The following PDCD10 variants were observed in gnomAD, a reference collection of about 807,000 sequenced individuals.
PDCD10 encodes programmed cell death protein 10.
In PDCD10, 4 loss-of-function variants were observed where a neutral mutation model predicts 29.2. That is an observed-to-expected ratio of 0.14 (90% CI 0.07 to 0.31). The LOEUF (loss-of-function observed/expected upper bound fraction) is 0.31. Among genes scored for constraint, PDCD10 ranks in the 10% least tolerant of loss-of-function variants. The pLI, the probability that PDCD10 is intolerant of heterozygous loss-of-function variation, is 1.00. For missense variants in PDCD10, 183 were observed against 257.9 expected (o/e 0.71, Z 1.99); for synonymous variants, 70 against 82.2 (o/e 0.85, Z 0.80).
intron 2 of PDCD10, among the ~76,000 whole-genome samples, chr3:167,729,863 G>A (rs544694537): frequency 9.1e-4 from 139 of 152,254 alleles, no homozygotes; most frequent in Non-Finnish European, 1.1e-3. Context: ...ATGTTCCACT[G>A]CTGTTACCCA....
intron 6 of PDCD10, among the ~76,000 whole-genome samples, chr3:167,690,936 T>A (rs1287761085): frequency 1.3e-5 from 2 of 152,236 alleles, no homozygotes; most frequent in African/African-American, 4.8e-5. Context: ...CAAAATTGCC[T>A]GAATATTTAT....
intron 2 of PDCD10, among the ~76,000 whole-genome samples, chr3:167,729,140 T>G (rs1012655021): frequency 6.6e-6 from 1 of 152,186 alleles, no homozygotes; most frequent in Non-Finnish European, 1.5e-5. Flanking sequence ...CTTGCCACAC[T>G]GATTGTGACT....
intron 3 of PDCD10, among the ~76,000 whole-genome samples, chr3:167,719,347 A>T (rs1240087685): frequency 1.3e-5 from 2 of 152,164 alleles, no homozygotes; most frequent in Non-Finnish European, 2.9e-5. Context: ...ATTTTAGGAA[A>T]ATAATTTCAC....
At chr3:167,724,770 C>T (rs1249732138) in intron 2 of PDCD10, among the ~76,000 whole-genome samples, 2 of 152,298 alleles carry the variant, frequency 1.3e-5, no homozygotes, top group South Asian at 2.1e-4. Context: ...AATAAGACTT[C>T]ATTATTGTTA....
rs1006376878 is a variant in PDCD10, at chr3:167,703,618, G to C, written c.150+1224C>G. The stretch of plus-strand genomic sequence containing the variant: ...TAAAACACAGGTTATTTGAGCTACT[G>C]ATGGGAAGGAATGCAAAAATAAAAA... On this transcript the variant is annotated intron_variant, in intron 4 of 8. Coordinates refer to ENST00000392750, the MANE Select transcript of PDCD10 (RefSeq NM_007217.4). 7.9e-5 allele frequency among the ~76,000 whole-genome samples: 12 copies of C among 152,208 alleles called. No homozygotes were observed. In the Middle Eastern group the frequency reaches 0.01, roughly 129 times the overall value.
chr3:167,731,552 T>C (rs1248402996), intron 2 of PDCD10, among the ~76,000 whole-genome samples: 1 of 152,226 alleles, frequency 6.6e-6, no homozygotes, highest in Non-Finnish European at 1.5e-5. Flanking sequence ...CATTTCTCTA[T>C]TTCTGTCCCC....
At chr3:167,688,972 A>G (rs1347517141) in intron 6 of PDCD10, among the ~76,000 whole-genome samples, 1 of 152,204 alleles carries the variant, frequency 6.6e-6, no homozygotes, top group African/African-American at 2.4e-5. Flanking sequence ...ATATTTTTTA[A>G]AAAAGTATTT....
At chr3:167,712,273 G>A (rs538194863) in intron 3 of PDCD10, among the ~76,000 whole-genome samples, 109 of 152,096 alleles carry the variant, frequency 7.2e-4, no homozygotes, top group African/African-American at 2.6e-3. Context: ...ATGAAGTATA[G>A]AGATTTTATT....
chr3:167,690,150 G>C (rs1162224507), intron 6 of PDCD10, among the ~76,000 whole-genome samples: 3 of 152,210 alleles, frequency 2.0e-5, no homozygotes, highest in African/African-American at 7.2e-5. Context: ...TGAGTAGAAG[G>C]AGAAGGAACT....
chr3:167,732,285 T>C (rs1273797413), intron 2 of PDCD10, among the ~76,000 whole-genome samples: 11 of 152,166 alleles, frequency 7.2e-5, no homozygotes, highest in African/African-American at 2.4e-4. Context: ...CAGACTACAA[T>C]AATAAACAGC....
intron 7 of PDCD10, 68 bp downstream of exon 7, chr3:167,687,547 G>T: frequency 1.1e-6 from 1 of 909,320 alleles, no homozygotes; most frequent in Non-Finnish European, 1.8e-6. Context: ...TTATTTTTAA[G>T]TCAATAAAAC....
chr3:167,684,483 A>AC, intron 8 of PDCD10, 94 bp from the exon 9 acceptor site: 2 of 711,356 alleles, frequency 2.8e-6, no homozygotes, highest in Non-Finnish European at 5.0e-6. Flanking sequence ...AATCAATTTT[A>AC]GAAAAAAAAA....
At position 167,683,307 on chromosome 3, in the gene PDCD10, T is replaced by C. The variant is rs1371777494; in HGVS notation, c.*1001A>G. 1 of 152,084 alleles carries C rather than the reference T, an allele frequency of 6.6e-6. No individual in the cohort carries two copies. Among genetic ancestry groups the C allele is most frequent in the Admixed American group, 6.5e-5 (1 of 15,284 alleles). 9.4% of individuals were successfully genotyped at this position (152,084 alleles called of 1,614,324 possible). On this transcript the variant is annotated 3_prime_UTR_variant, in exon 9 of 9. Transcript: ENST00000392750. ...ATAAAAGATAAGCAAATTCTGATTT[T>C]TTCCCTTTATTTTATAATTGAAAAA...
At chr3:167,720,596 G>C (rs1400140463) in intron 2 of PDCD10, among the ~76,000 whole-genome samples, 1 of 151,656 alleles carries the variant, frequency 6.6e-6, no homozygotes, top group African/African-American at 2.4e-5. Context: ...CAATCTAAGA[G>C]AACATATGAA....
intron 4 of PDCD10, among the ~76,000 whole-genome samples, chr3:167,700,152 A>G (rs1171004239): frequency 1.3e-5 from 2 of 152,188 alleles, no homozygotes; most frequent in Non-Finnish European, 1.5e-5. Context: ...TGTATATGTA[A>G]TAAGTTTGAA....
At chr3:167,710,407 T>A (rs2108454177) in intron 3 of PDCD10, among the ~76,000 whole-genome samples, 1 of 152,066 alleles carries the variant, frequency 6.6e-6, no homozygotes, top group East Asian at 1.9e-4. Flanking sequence ...TAAGTGAACA[T>A]CAACCATGGC....
At chr3:167,695,462 G>A in intron 6 of PDCD10, 134 bp downstream of exon 6, 1 of 776,048 alleles carries the variant, frequency 1.3e-6, no homozygotes, top group East Asian at 2.6e-5. Context: ...TTAATAAAAT[G>A]TGGTATTTAA....
At chr3:167,713,610 G>A (rs1028649043) in intron 3 of PDCD10, among the ~76,000 whole-genome samples, 1 of 151,672 alleles carries the variant, frequency 6.6e-6, no homozygotes, top group Non-Finnish European at 1.5e-5. Flanking sequence ...AAATATCAAT[G>A]AAACAAAAAC....
At chr3:167,719,373 T>C (rs1439695858) in intron 3 of PDCD10, among the ~76,000 whole-genome samples, 1 of 152,126 alleles carries the variant, frequency 6.6e-6, no homozygotes, top group Admixed American at 6.6e-5. Flanking sequence ...AGGGCCTTAG[T>C]TCCCCATTAT....
Sources: gnomAD v4.1 joint callset for allele counts (sites outside exome capture counted in the v4.1 genomes callset) on GRCh38, gnomAD v4.1.1 for gene constraint, MANE v1.5 for transcripts, NCBI Gene and HGNC (gene_info 2026-07-23, HGNC 2026-07-21) for gene names.